SYNJ2: variants seen among roughly 807,000 people sequenced by gnomAD.
SYNJ2 encodes polyphosphatidylinositol phosphatase SYNJ2.
A neutral mutation model predicts 141.3 loss-of-function variants in SYNJ2; 116 were observed. That is an observed-to-expected ratio of 0.82 (90% confidence interval 0.71 to 0.96). SYNJ2 has a LOEUF of 0.96. Ranked by LOEUF, SYNJ2 falls within the 40% of genes least tolerant of loss-of-function variation. The probability of loss-of-function intolerance (pLI) is 0.00; values close to 1 mark genes in which losing one functional copy is unlikely to be tolerated. For synonymous variants in SYNJ2, 745 were observed against 777.7 expected (o/e 0.96, Z 0.70); for missense variants, 1,873 against 1,934.8 (o/e 0.97, Z 0.60).
chr6:157,990,599 C>T (rs551378456), intron 1 of SYNJ2, among the ~76,000 whole-genome samples: 19 of 152,272 alleles, frequency 1.2e-4, no homozygotes, highest in Middle Eastern at 3.4e-3. Flanking sequence ...AGGTTGTTAG[C>T]GGCTGCTGCT....
At chr6:158,051,750 C>T (rs1780577288) in intron 5 of SYNJ2, among the ~76,000 whole-genome samples, 1 of 148,684 alleles carries the variant, frequency 6.7e-6, no homozygotes, top group South Asian at 2.1e-4. Flanking sequence ...AGTTCAAGAC[C>T]AACGTGGGCA....
rs757208541 is a variant in SYNJ2 at position 158,062,036 on chromosome 6, C to T, written c.999C>T (p.Ile333=). Residue 333 remains isoleucine, a synonymous_variant, in exon 8 of 27, where the codon ATC becomes ATT. Transcript: ENST00000355585. ...GCCACGCGGGCGACACGCCTATGAT[C>T]AATTTTGACTTCCATCAGTTTGCCA... The part of the protein sequence containing the change: ...ASCHAGDTPM[I]NFDFHQFAKG... 6 of 1,614,176 alleles carry T rather than the reference C, an allele frequency of 3.7e-6. No individual in the cohort carries two copies. The highest frequency in any genetic ancestry group is 1.1e-5 in the South Asian group (1 of 91,084).
intron 4 of SYNJ2, among the ~76,000 whole-genome samples, chr6:158,038,481 C>T (rs971125886): frequency 1.3e-5 from 2 of 152,140 alleles, no homozygotes; most frequent in Admixed American, 6.5e-5. Context: ...CCTACACCCA[C>T]GGTAGCTCTT....
At chr6:157,984,056 G>A (rs1777110265) in intron 1 of SYNJ2, among the ~76,000 whole-genome samples, 1 of 151,988 alleles carries the variant, frequency 6.6e-6, no homozygotes, top group Non-Finnish European at 1.5e-5. Context: ...TGCTGTTCTC[G>A]AACTCCTGGG....
At chr6:158,037,639 G>A (rs1779712341) in intron 4 of SYNJ2, among the ~76,000 whole-genome samples, 1 of 152,038 alleles carries the variant, frequency 6.6e-6, no homozygotes, top group Non-Finnish European at 1.5e-5. Flanking sequence ...CTGACCTCGT[G>A]ATCTGCCCGC....
At chr6:158,062,735 A>T (rs1424500917) in intron 8 of SYNJ2, among the ~76,000 whole-genome samples, 1 of 152,236 alleles carries the variant, frequency 6.6e-6, no homozygotes, top group Non-Finnish European at 1.5e-5. Context: ...CCCCAAAATC[A>T]GTATGCAAAG....
chr6:158,098,543 A>G lies in SYNJ2; in HGVS notation c.*2179A>G, dbSNP rs1408004435. Reference sequence around the variant, plus strand: ...CTCATACCAGAATTCTCTTAAAAAAAAAAAAAAGGACAATTGGAATTGCCT... The same window carrying G: ...CTCATACCAGAATTCTCTTAAAAAAGAAAAAAAGGACAATTGGAATTGCCT... On this transcript the variant is annotated 3_prime_UTR_variant, in exon 27 of 27. Coordinates refer to ENST00000355585, the MANE Select transcript of SYNJ2 (RefSeq NM_003898.4). 6.6e-6 allele frequency: 1 copy of G among 152,156 alleles called. No homozygotes were observed. The highest frequency in any genetic ancestry group is 1.5e-5 in the Non-Finnish European group (1 of 68,020). 9.4% of individuals were successfully genotyped at this position (152,156 alleles called of 1,614,324 possible). A position where few individuals can be genotyped will look rare whatever the true frequency, so the allele number is the denominator to read the frequency against.
In SYNJ2 at chr6:158,022,412, A is replaced by G. The variant is rs1025086975; in HGVS notation, c.214+5122A>G. On this transcript the variant is annotated intron_variant, in intron 2 of 26. Transcript: ENST00000355585. The stretch of plus-strand genomic sequence containing the variant: ...GCAAGCCACGTATCATGACTCCAAC[A>G]GCCAGCTTTCCTGGCCTGATAACAA... 3.3e-5 allele frequency among the ~76,000 whole-genome samples: 5 copies of G among 152,182 alleles called. No individual in the cohort carries two copies. In the East Asian group the frequency reaches 9.7e-4, roughly 29 times the overall value.
At chr6:157,996,645 G>T (rs1777643251) in intron 1 of SYNJ2, among the ~76,000 whole-genome samples, 1 of 152,208 alleles carries the variant, frequency 6.6e-6, no homozygotes, top group African/African-American at 2.4e-5. Context: ...ATGGGGCCCA[G>T]TGGGAGGTGA....
rs955060609 is a variant in SYNJ2, at chr6:158,027,124, G to A, written c.215-1632G>A. On this transcript the variant is annotated intron_variant, in intron 2 of 26. Coordinates refer to ENST00000355585, the MANE Select transcript of SYNJ2 (RefSeq NM_003898.4). The surrounding 1 kb of genome is among the most constrained non-coding windows in gnomAD (Gnocchi z 4.6). Reference sequence around the variant, plus strand: ...GAACGCACTTTAATGACAGCCACACGCCACCCTGCCACAAGCAGCGCTCTT... The same window carrying A: ...GAACGCACTTTAATGACAGCCACACACCACCCTGCCACAAGCAGCGCTCTT... The A allele has an allele frequency of 1.7e-5, 17 of 985,392 alleles. No homozygotes were observed. The African/African-American group carries it at 2.4e-4, about 14-fold the overall frequency. The allele number at this position is 985,392 out of a possible 1,614,324, so 61.0% of individuals were successfully genotyped here.
At chr6:158,029,134 TG>T (rs768208966) in intron 3 of SYNJ2, 108 bp downstream of exon 3, 3 of 1,404,184 alleles carry the variant, frequency 2.1e-6, no homozygotes, top group Non-Finnish European at 2.8e-6. Flanking sequence ...CCCCGGGTTA[TG>T]GGGCACCTCT....
intron 6 of SYNJ2, among the ~76,000 whole-genome samples, chr6:158,058,874 A>G (rs1007882732): frequency 6.6e-6 from 1 of 152,256 alleles, no homozygotes; most frequent in African/African-American, 2.4e-5. Context: ...TTGAGGCAGC[A>G]GTGAGCTATG....
chr6:158,013,685 G>C (rs1778350127), intron 1 of SYNJ2, among the ~76,000 whole-genome samples: 1 of 152,154 alleles, frequency 6.6e-6, no homozygotes, highest in Non-Finnish European at 1.5e-5. Context: ...CAGCAGAGTG[G>C]CAAAAATGTG....
At chr6:157,989,728 G>A (rs994533758) in intron 1 of SYNJ2, among the ~76,000 whole-genome samples, 1 of 151,980 alleles carries the variant, frequency 6.6e-6, no homozygotes, top group African/African-American at 2.4e-5. Flanking sequence ...TGAGGAAAGC[G>A]CCCCCCAGTG....
At chr6:158,033,830 T>G in intron 4 of SYNJ2, 150 bp downstream of exon 4, 3 of 739,724 alleles carry the variant, frequency 4.1e-6, no homozygotes, top group Non-Finnish European at 6.5e-6. Flanking sequence ...ACAGCACGTG[T>G]AATTGGGCTC....
chr6:158,034,692 A>G (rs190503510), intron 4 of SYNJ2, among the ~76,000 whole-genome samples: 366 of 152,336 alleles, frequency 2.4e-3, no homozygotes, highest in Admixed American at 3.9e-3. Flanking sequence ...CAACGAGGCT[A>G]TTATGTAAAT....
chr6:158,007,796 C>T (rs1396272598), intron 1 of SYNJ2, among the ~76,000 whole-genome samples: 1 of 152,154 alleles, frequency 6.6e-6, no homozygotes, highest in Admixed American at 6.5e-5. Flanking sequence ...GCATGCACCA[C>T]CTCACCTGGC....
intron 1 of SYNJ2, among the ~76,000 whole-genome samples, chr6:158,007,986 C>T (rs759820062): frequency 6.6e-6 from 1 of 152,126 alleles, no homozygotes; most frequent in Non-Finnish European, 1.5e-5. Flanking sequence ...GGGATGGAGT[C>T]TCACTGTGTT....
intron 4 of SYNJ2, among the ~76,000 whole-genome samples, chr6:158,034,531 C>T (rs1374726876): frequency 1.3e-5 from 2 of 152,204 alleles, no homozygotes; most frequent in African/African-American, 4.8e-5. Flanking sequence ...GACTTTCTGC[C>T]TGCTCCAGTG....
Sources: gnomAD v4.1 joint callset for allele counts (sites outside exome capture counted in the v4.1 genomes callset) on GRCh38, gnomAD v4.1.1 for gene constraint, Gnocchi (gnomAD v3.1) non-coding constraint, MANE v1.5 for transcripts, NCBI Gene and HGNC (gene_info 2026-07-23, HGNC 2026-07-21) for gene names.